The following IL12RB2 variants were observed in gnomAD, a reference collection of about 807,000 sequenced individuals.
IL12RB2 encodes interleukin-12 receptor subunit beta-2.
IL12RB2 carries 82 observed loss-of-function variants against 89.4 expected under a neutral mutation model. The ratio of observed to expected loss-of-function variants is 0.92; its 90% CI spans 0.77 to 1.10. IL12RB2 has a LOEUF of 1.10. Ranked by LOEUF, IL12RB2 falls within the 50% of genes least tolerant of loss-of-function variation. The probability of loss-of-function intolerance (pLI) is 0.00; values close to 1 mark genes in which losing one functional copy is unlikely to be tolerated. For missense variants in IL12RB2, 963 were observed against 1,031.9 expected, an observed-to-expected ratio of 0.93 and a Z score of 0.92; for synonymous variants, 368 against 370.1, an observed-to-expected ratio of 0.99 and a Z score of 0.07.
chr1:67,360,871 C>T (rs1661967547), intron 10 of IL12RB2, among the ~76,000 whole-genome samples: 1 of 151,898 alleles, frequency 6.6e-6, no homozygotes, highest in South Asian at 2.1e-4. Context: ...TTTAATAGGG[C>T]TGAACTATTG....
At chr1:67,386,119 G>C (rs1407466011) in intron 14 of IL12RB2, among the ~76,000 whole-genome samples, 1 of 135,132 alleles carries the variant, frequency 7.4e-6, no homozygotes, top group Non-Finnish European at 1.5e-5. Flanking sequence ...TGAGGCAGGA[G>C]AATCGCTTGA....
At chr1:67,325,789 C>T (rs1025851577) in intron 4 of IL12RB2, among the ~76,000 whole-genome samples, 2 of 152,082 alleles carry the variant, frequency 1.3e-5, no homozygotes, top group East Asian at 3.9e-4. Context: ...CTGTAGTATA[C>T]TCATTTTATC....
At position 67,398,463 on chromosome 1, in the gene IL12RB2, T is replaced by C. The variant is rs1027179433; in HGVS notation, c.*2374T>C. 6.6e-6 allele frequency among the ~76,000 whole-genome samples: 1 copy of C among 151,122 alleles called. No homozygotes were observed. The highest frequency in any genetic ancestry group is 2.4e-5 in the African/African-American group (1 of 41,052). On this transcript the variant is annotated 3_prime_UTR_variant, in exon 17 of 17. Transcript: ENST00000674203. ...AACCTCCCCATCCTTTTCTTTCCCT[T>C]AAAGTCTCATATGATACTGCAGTCC...
intron 1 of IL12RB2, among the ~76,000 whole-genome samples, chr1:67,309,692 T>A (rs1411449904): frequency 6.6e-6 from 1 of 152,190 alleles, no homozygotes; most frequent in Non-Finnish European, 1.5e-5. Flanking sequence ...AGTTTTAGTG[T>A]GAAAAAAAAT....
intron 10 of IL12RB2, among the ~76,000 whole-genome samples, 185 bp downstream of exon 10, chr1:67,351,274 G>T (rs929860265): frequency 5.3e-5 from 8 of 151,812 alleles, no homozygotes; most frequent in Admixed American, 5.2e-4. Context: ...ACAAGTAAAT[G>T]AACACCTCTG....
chr1:67,328,140 C>T, intron 5 of IL12RB2, 60 bp from the exon 6 acceptor site: 1 of 1,141,644 alleles, frequency 8.8e-7, no homozygotes, highest in South Asian at 1.2e-5. Context: ...TTCTTTTCTA[C>T]TGTAAGTAGA....
intron 6 of IL12RB2, 146 bp downstream of exon 6, chr1:67,328,530 C>T: frequency 2.1e-6 from 3 of 1,416,328 alleles, no homozygotes; most frequent in Non-Finnish European, 2.8e-6. Flanking sequence ...TACTTTGATG[C>T]AAGTAAAAGG....
intron 10 of IL12RB2, among the ~76,000 whole-genome samples, chr1:67,356,976 T>TAAAAC (rs1661465851): frequency 2.0e-5 from 3 of 152,152 alleles, no homozygotes; most frequent in Non-Finnish European, 4.4e-5. Flanking sequence ...AACAGGTAGT[T>TAAAAC]ATGAAGAAAA....
intron 9 of IL12RB2, among the ~76,000 whole-genome samples, chr1:67,348,096 T>C (rs1265410439): frequency 1.3e-5 from 2 of 152,134 alleles, no homozygotes; most frequent in African/African-American, 2.4e-5. Flanking sequence ...TAGGTTGATC[T>C]GGGAAGAGTC....
In IL12RB2 at chr1:67,321,848, G is replaced by A; in HGVS notation, c.323G>A (p.Ser108Asn). The A allele has an allele frequency of 6.2e-7, 1 of 1,614,038 alleles. No individual in the cohort carries two copies. Among genetic ancestry groups the A allele is most frequent in the Non-Finnish European group, 8.5e-7 (1 of 1,179,888 alleles). ...LFVCKLACIN[S>N]DEIQICGAEI... ...GTCTGCAAACTGGCCTGTATCAATA[G>A]TGATGAAATTCAAATATGTGGAGCA... is the stretch of plus-strand genomic sequence containing the variant. The change falls in exon 4 of 17, where the codon AGT becomes AAT. Residue 108 changes from serine to asparagine, a missense_variant. Transcript: ENST00000674203.
intron 3 of IL12RB2, 81 bp downstream of exon 3, chr1:67,320,525 A>G: frequency 1.2e-6 from 2 of 1,603,546 alleles, no homozygotes; most frequent in Non-Finnish European, 1.7e-6. Flanking sequence ...TATTTGTGGT[A>G]AATGTTCTGG....
chr1:67,381,587 C>A (rs1557469817), intron 14 of IL12RB2, among the ~76,000 whole-genome samples: 1 of 151,790 alleles, frequency 6.6e-6, no homozygotes, highest in Non-Finnish European at 1.5e-5. Flanking sequence ...CACAGTGAAA[C>A]CCCGTCTCTA....
intron 4 of IL12RB2, among the ~76,000 whole-genome samples, chr1:67,325,121 T>C (rs1392253108): frequency 6.6e-6 from 1 of 152,248 alleles, no homozygotes; most frequent in African/African-American, 2.4e-5. Context: ...TTTATACAGA[T>C]CAAATGGGGT....
At chr1:67,348,019 G>A in intron 9 of IL12RB2, among the ~76,000 whole-genome samples, 1 of 152,134 alleles carries the variant, frequency 6.6e-6, no homozygotes, top group East Asian at 1.9e-4. Flanking sequence ...CCTGGCTCAT[G>A]GTATAGCCCA....
At chr1:67,347,571 T>C (rs1439215492) in intron 9 of IL12RB2, among the ~76,000 whole-genome samples, 1 of 152,250 alleles carries the variant, frequency 6.6e-6, no homozygotes, top group East Asian at 1.9e-4. Context: ...GTAGGTTTAC[T>C]GAGAGAGCTG....
At chr1:67,381,848 C>T (rs933159472) in intron 14 of IL12RB2, among the ~76,000 whole-genome samples, 4 of 149,608 alleles carry the variant, frequency 2.7e-5, no homozygotes, top group African/African-American at 7.4e-5. Flanking sequence ...TAGGTGGGAG[C>T]GGTGGTACAT....
At chr1:67,385,889 G>A (rs975296979) in intron 14 of IL12RB2, among the ~76,000 whole-genome samples, 3 of 152,132 alleles carry the variant, frequency 2.0e-5, no homozygotes, top group African/African-American at 4.8e-5. Flanking sequence ...CAAGGTACAT[G>A]TCACCATTCG....
At chr1:67,357,346 C>A (rs1408866070) in intron 10 of IL12RB2, among the ~76,000 whole-genome samples, 1 of 152,096 alleles carries the variant, frequency 6.6e-6, no homozygotes, top group Non-Finnish European at 1.5e-5. Context: ...CCACTTCACT[C>A]CAGCTTGGGT....
chr1:67,360,368 C>T (rs1042548178), intron 10 of IL12RB2, among the ~76,000 whole-genome samples: 2 of 150,682 alleles, frequency 1.3e-5, no homozygotes, highest in African/African-American at 4.9e-5. Context: ...CACTGCACTC[C>T]AGCCCGGGTG....
Sources: allele counts gnomAD v4.1 joint callset (sites outside exome capture counted in the v4.1 genomes callset), GRCh38; gene constraint gnomAD v4.1.1; transcripts MANE v1.5; gene names NCBI Gene and HGNC (gene_info 2026-07-23, HGNC 2026-07-21).